Variants in PDE4D observed in about 807,000 individuals in gnomAD.
The protein encoded by PDE4D is 3',5'-cyclic-AMP phosphodiesterase 4D.
Under a neutral mutation model 87.4 loss-of-function variants are expected in PDE4D, and 24 were observed. That is an observed-to-expected ratio of 0.27 (90% CI 0.20 to 0.39). The LOEUF is 0.39. Among genes scored for constraint, PDE4D ranks in the 10% least tolerant of loss-of-function variants. The probability of loss-of-function intolerance (pLI) is 1.00; values close to 1 mark genes in which losing one functional copy is unlikely to be tolerated. For missense variants in PDE4D, 714 were observed against 1,041.0 expected (o/e 0.69, Z 4.32); for synonymous variants, 384 against 383.2 (o/e 1.00, Z -0.02).
chr5:60,011,694 C>T (rs1765034259), intron 2 of PDE4D, among the ~76,000 whole-genome samples: 1 of 152,070 alleles, frequency 6.6e-6, no homozygotes, highest in South Asian at 2.1e-4. Context: ...GCCCACAAAG[C>T]TGGAAATATT....
At chr5:59,998,965 T>C (rs889119835) in intron 2 of PDE4D, among the ~76,000 whole-genome samples, 8 of 152,192 alleles carry the variant, frequency 5.3e-5, no homozygotes, top group African/African-American at 1.9e-4. Flanking sequence ...TGTAAAAGTA[T>C]TCTGTAGAGT....
At chr5:60,189,124 T>C (rs375666703) in intron 1 of PDE4D, among the ~76,000 whole-genome samples, 13 of 152,276 alleles carry the variant, frequency 8.5e-5, no homozygotes, top group African/African-American at 2.4e-4. Flanking sequence ...TTCGTTACGA[T>C]AGGAGTTTCC....
intron 1 of PDE4D, among the ~76,000 whole-genome samples, chr5:59,504,525 G>A (rs961587641): frequency 2.0e-5 from 3 of 152,050 alleles, no homozygotes; most frequent in Admixed American, 6.6e-5. Flanking sequence ...GTAGCACCGG[G>A]ATTCATTTCT....
intron 1 of PDE4D, among the ~76,000 whole-genome samples, chr5:59,423,371 G>T (rs1054521435): frequency 4.6e-5 from 7 of 152,064 alleles, no homozygotes; most frequent in Non-Finnish European, 8.8e-5. Flanking sequence ...TAATGAAATT[G>T]TCCCTGTCAG....
chr5:60,037,799 T>C (rs1012139061), intron 2 of PDE4D, among the ~76,000 whole-genome samples: 2 of 152,344 alleles, frequency 1.3e-5, no homozygotes, highest in Non-Finnish European at 1.5e-5. Flanking sequence ...AGCAGACAAC[T>C]TTTATTCTGA....
chr5:59,860,244 C>G (rs554819878), intron 1 of PDE4D, among the ~76,000 whole-genome samples: 1 of 152,066 alleles, frequency 6.6e-6, no homozygotes, highest in Non-Finnish European at 1.5e-5. Context: ...GAGATGGATG[C>G]TGTGAAGTAG....
intron 5 of PDE4D, among the ~76,000 whole-genome samples, chr5:59,146,204 C>G (rs1035270445): frequency 6.6e-6 from 1 of 152,098 alleles, no homozygotes; most frequent in Non-Finnish European, 1.5e-5. Context: ...AAAAAATATA[C>G]ACATAACTGT....
chr5:60,008,422 T>G (rs1200031946), intron 2 of PDE4D, among the ~76,000 whole-genome samples: 2 of 152,048 alleles, frequency 1.3e-5, no homozygotes, highest in African/African-American at 4.8e-5. Flanking sequence ...TTCAAATTTC[T>G]AAAAACCCCA....
At chr5:59,947,918 A>T (rs866373712) in intron 3 of PDE4D, among the ~76,000 whole-genome samples, 12 of 152,170 alleles carry the variant, frequency 7.9e-5, no homozygotes, top group Non-Finnish European at 7.3e-5. Context: ...GAGGCAGGAG[A>T]ATCACTTGAA....
intron 1 of PDE4D, among the ~76,000 whole-genome samples, chr5:59,523,052 G>T (rs1197944022): frequency 1.3e-5 from 2 of 152,132 alleles, no homozygotes; most frequent in Admixed American, 1.3e-4. Flanking sequence ...AATTGGGGTG[G>T]TTGGCTTTTG....
Position 59,756,509 on chromosome 5 carries a change from T to TACACACAC in PDE4D, c.455+136651_455+136658dup, listed in dbSNP as rs3062590. ...TCTATGTGCATGTAAACCCAAAACA[T>TACACACAC]ACACACACACACACACACACACACA... On this transcript the variant is annotated intron_variant, in intron 1 of 14. Transcript: ENST00000340635. Among the ~76,000 whole-genome samples, 111 of 145,016 alleles carry TACACACAC rather than the reference T, an allele frequency of 7.7e-4. 1 individual carries two copies. The highest frequency in any genetic ancestry group is 2.4e-3 in the African/African-American group (93 of 38,820).
chr5:60,235,201 T>A (rs1746284724), intron 1 of PDE4D, among the ~76,000 whole-genome samples: 1 of 151,932 alleles, frequency 6.6e-6, no homozygotes, highest in Non-Finnish European at 1.5e-5. Flanking sequence ...CTATTTGGAA[T>A]TCTGCTGACT....
intron 1 of PDE4D, among the ~76,000 whole-genome samples, chr5:59,332,800 A>T (rs1359368807): frequency 6.6e-6 from 1 of 152,164 alleles, no homozygotes; most frequent in African/African-American, 2.4e-5. Context: ...AGTGGGGTAG[A>T]TACAACTTTA....
chr5:59,350,741 A>C (rs13359805), intron 1 of PDE4D, among the ~76,000 whole-genome samples: 70 of 152,202 alleles, frequency 4.6e-4, no homozygotes, highest in African/African-American at 1.7e-3. Flanking sequence ...CAGGCACTTT[A>C]CATGGCTAAC....
intron 1 of PDE4D, among the ~76,000 whole-genome samples, chr5:60,276,532 A>G (rs530365368): frequency 1.2e-4 from 19 of 152,178 alleles, no homozygotes; most frequent in Non-Finnish European, 2.4e-4. Flanking sequence ...TTTAGCATTC[A>G]CAGACAGCCA....
chr5:59,307,686 G>A (rs957316886), intron 1 of PDE4D, among the ~76,000 whole-genome samples: 2 of 151,230 alleles, frequency 1.3e-5, no homozygotes, highest in Non-Finnish European at 3.0e-5. Flanking sequence ...AGTTAGAATG[G>A]CAATCATTCA....
chr5:59,178,280 T>G (rs533687841), intron 5 of PDE4D, among the ~76,000 whole-genome samples: 1 of 151,876 alleles, frequency 6.6e-6, no homozygotes, highest in Non-Finnish European at 1.5e-5. Flanking sequence ...CCAGTTTTAG[T>G]CAGTTCATTT....
chr5:60,032,328 CTATT>C (rs540276581), intron 2 of PDE4D, among the ~76,000 whole-genome samples: 61 of 152,262 alleles, frequency 4.0e-4, no homozygotes, highest in African/African-American at 1.4e-3. Context: ...ATAATTCAGG[CTATT>C]TAGTTTGGTA....
intron 3 of PDE4D, among the ~76,000 whole-genome samples, chr5:59,927,547 C>T (rs1011296444): frequency 3.3e-5 from 5 of 152,184 alleles, no homozygotes; most frequent in African/African-American, 1.2e-4. Context: ...GTGTACTGTT[C>T]ATCTCCATTA....
Sources: allele counts gnomAD v4.1 joint callset (sites outside exome capture counted in the v4.1 genomes callset), GRCh38; gene constraint gnomAD v4.1.1; transcripts MANE v1.5; gene names NCBI Gene and HGNC (gene_info 2026-07-23, HGNC 2026-07-21).